Variants in PNPLA7 observed in about 807,000 individuals in gnomAD.
The protein encoded by PNPLA7 is patatin-like phospholipase domain-containing protein 7.
PNPLA7 carries 153 observed loss-of-function variants against 161.7 expected under a neutral mutation model. The observed-to-expected ratio is 0.95, with a 90% confidence interval of 0.83 to 1.08. The LOEUF (loss-of-function observed/expected upper bound fraction) is 1.08, where lower values mean the gene tolerates loss of function less well. Ranked by LOEUF, PNPLA7 falls within the 50% of genes least tolerant of loss-of-function variation. The pLI, the probability that PNPLA7 is intolerant of heterozygous loss-of-function variation, is 0.00. For synonymous variants in PNPLA7, 809 were observed against 782.1 expected, an observed-to-expected ratio of 1.03 and a Z score of -0.57; for missense variants, 1,739 against 1,856.6, an observed-to-expected ratio of 0.94 and a Z score of 1.16.
intron 12 of PNPLA7, among the ~76,000 whole-genome samples, chr9:137,514,944 G>A (rs1315708685): frequency 6.6e-6 from 1 of 152,178 alleles, no homozygotes; most frequent in African/African-American, 2.4e-5. Flanking sequence ...TCACCCGGCT[G>A]TTGAGGTTTT....
intron 12 of PNPLA7, among the ~76,000 whole-genome samples, chr9:137,507,780 A>G (rs1045690155): frequency 6.6e-6 from 1 of 152,218 alleles, no homozygotes; most frequent in East Asian, 1.9e-4. Context: ...GGGGCCAGGC[A>G]TGGTGGTATG....
In PNPLA7 at chr9:137,520,056, A is replaced by T; in HGVS notation, c.958-13T>A. On this transcript the variant is annotated splice_polypyrimidine_tract_variant and intron_variant, in intron 10 of 34. Transcript: ENST00000406427. This position sits in a 1 kb window ranked among gnomAD's most constrained non-coding sequence, Gnocchi z 5.2. ...TGGCCTGGCTCTCCTGGGACACAAGAAGGAAGTTCAGTGCCACCCCAGGAA... is the reference window on the plus strand; with the variant it reads ...TGGCCTGGCTCTCCTGGGACACAAGTAGGAAGTTCAGTGCCACCCCAGGAA... 3 of 1,611,566 alleles carry T rather than the reference A, an allele frequency of 1.9e-6. No individual in the cohort carries two copies. Among genetic ancestry groups the T allele is most frequent in the Non-Finnish European group, 2.5e-6 (3 of 1,179,696 alleles).
At chr9:137,522,983 C>T (rs1385215910) in intron 8 of PNPLA7, 126 bp from the exon 9 acceptor site, 18 of 1,364,342 alleles carry the variant, frequency 1.3e-5, no homozygotes, top group East Asian at 4.7e-5. Context: ...CATTCTCCCT[C>T]CCAGGCTGGG....
intron 29 of PNPLA7, 62 bp downstream of exon 29, chr9:137,463,353 C>T (rs1265774507): frequency 3.8e-5 from 54 of 1,420,308 alleles, no homozygotes; most frequent in Non-Finnish European, 5.0e-5. Context: ...TGGCAGGGGC[C>T]GTGGGGCGGC....
chr9:137,535,750 C>CT (rs1394101703), intron 8 of PNPLA7, among the ~76,000 whole-genome samples: 1 of 121,974 alleles, frequency 8.2e-6, no homozygotes, highest in Non-Finnish European at 1.7e-5. Context: ...AAGACCCCGT[C>CT]TCAAAAAAAA....
chr9:137,480,519 G>A (rs760781174), intron 22 of PNPLA7, 39 bp from the exon 23 acceptor site: 34 of 1,570,208 alleles, frequency 2.2e-5, no homozygotes, highest in Non-Finnish European at 2.9e-5. Context: ...ACTCCGCAGG[G>A]GCCTGGCACT....
chr9:137,536,528 G>A (rs984494454), intron 8 of PNPLA7, among the ~76,000 whole-genome samples: 38 of 152,122 alleles, frequency 2.5e-4, no homozygotes, highest in Non-Finnish European at 8.8e-5. Context: ...AAAATAAGCC[G>A]CTGGTTCAGG....
At chr9:137,472,336 A>G (rs1191720325) in intron 25 of PNPLA7, among the ~76,000 whole-genome samples, 1 of 151,878 alleles carries the variant, frequency 6.6e-6, no homozygotes, top group Non-Finnish European at 1.5e-5. Flanking sequence ...AGGATTACCC[A>G]GCACTTGAGC....
chr9:137,484,166 C>A (rs1832354042), intron 21 of PNPLA7, among the ~76,000 whole-genome samples: 1 of 152,060 alleles, frequency 6.6e-6, no homozygotes, highest in South Asian at 2.1e-4. Flanking sequence ...GAACTCCTGA[C>A]CTCGGCCTCC....
In PNPLA7 at chr9:137,499,156, A is replaced by G. The variant is rs1211654022; in HGVS notation, c.1758-911T>C. Among the ~76,000 whole-genome samples, 2 of 151,354 alleles carry G rather than the reference A, an allele frequency of 1.3e-5. No homozygotes were observed. Among genetic ancestry groups the G allele is most frequent in the East Asian group, 3.9e-4 (2 of 5,144 alleles). On this transcript the variant is annotated intron_variant, in intron 16 of 34. Coordinates refer to ENST00000406427, the MANE Select transcript of PNPLA7 (RefSeq NM_001098537.3). This position sits in a 1 kb window ranked among gnomAD's most constrained non-coding sequence, Gnocchi z 5.5. ...CACACAGACACACGGAGACAGAGACACTCGCAGACACACGGACACACGGAG... is the reference window on the plus strand; with the variant it reads ...CACACAGACACACGGAGACAGAGACGCTCGCAGACACACGGACACACGGAG...
intron 25 of PNPLA7, among the ~76,000 whole-genome samples, chr9:137,473,486 G>T (rs939514414): frequency 2.6e-5 from 4 of 152,114 alleles, no homozygotes; most frequent in African/African-American, 9.7e-5. Flanking sequence ...AATTTTAAAT[G>T]GTTCATCCAA....
chr9:137,477,481 C>G (rs868310416), intron 25 of PNPLA7, among the ~76,000 whole-genome samples: 1 of 151,958 alleles, frequency 6.6e-6, no homozygotes, highest in Non-Finnish European at 1.5e-5. Context: ...GACAGAGTCT[C>G]GCTCTGTCGC....
In PNPLA7 at chr9:137,499,744, G is replaced by A. The variant is rs141548682; in HGVS notation, c.1757+947C>T. On this transcript the variant is annotated intron_variant, in intron 16 of 34. Transcript: ENST00000406427. The surrounding 1 kb of genome is among the most constrained non-coding windows in gnomAD (Gnocchi z 5.5). ...GGGGTCCCCAGGCTGAAGCAGCAAC[G>A]GCGCGGTGCCATTTGCTGGATTACA... is the stretch of plus-strand genomic sequence containing the variant. Among the ~76,000 whole-genome samples the A allele has an allele frequency of 3.9e-3, 595 of 152,342 alleles. 3 individuals are homozygous for A. The highest frequency in any genetic ancestry group is 0.013 in the African/African-American group (558 of 41,566).
chr9:137,514,629 C>T (rs1342915558), intron 12 of PNPLA7, among the ~76,000 whole-genome samples: 2 of 143,716 alleles, frequency 1.4e-5, no homozygotes, highest in Non-Finnish European at 3.0e-5. Context: ...TGTGGCTGGG[C>T]TGCGGGCGGG....
rs745327928 is a variant in PNPLA7 at position 137,497,220 on chromosome 9, G to A, written c.1980C>T (p.Ala660=). The A allele has an allele frequency of 1.3e-5, 20 of 1,587,780 alleles. No homozygotes were observed. Among genetic ancestry groups the A allele is most frequent in the Admixed American group, 1.8e-5 (1 of 56,986 alleles). ...IRKDDGKKRL[A]GEYGRGDLVG... ...CGAGGTCTCCTCGGCCGTACTCCCC[G>A]GCCAGGCGCTTCTTCCCATCATCCT... The change falls in exon 18 of 35, where the codon GCC becomes GCT. Residue 660 remains alanine, a synonymous_variant. Coordinates refer to ENST00000406427, the MANE Select transcript of PNPLA7 (RefSeq NM_001098537.3).
In PNPLA7 at chr9:137,476,733, G is replaced by T. The variant is rs1245848694; in HGVS notation, c.2882+1301C>A. On this transcript the variant is annotated intron_variant, in intron 25 of 34. Transcript: ENST00000406427. The surrounding 1 kb of genome is among the most constrained non-coding windows in gnomAD (Gnocchi z 4.5). ...TAAAAATGCTGCTGATGTGGCCTGGGCTCAACTGCTCCAAGTCCCTGCACT... is the reference window on the plus strand; with the variant it reads ...TAAAAATGCTGCTGATGTGGCCTGGTCTCAACTGCTCCAAGTCCCTGCACT... Among the ~76,000 whole-genome samples, 1 of 152,164 alleles carries T rather than the reference G, an allele frequency of 6.6e-6. No individual in the cohort carries two copies. The highest frequency in any genetic ancestry group is 1.5e-5 in the Non-Finnish European group (1 of 68,026).
chr9:137,502,543 G>C (rs995913462), intron 14 of PNPLA7, among the ~76,000 whole-genome samples: 77 of 146,372 alleles, frequency 5.3e-4, no homozygotes, highest in Non-Finnish European at 9.9e-4. Context: ...CTCAGGCAGA[G>C]GACGGCCGCT....
chr9:137,524,090 G>C lies in PNPLA7; in HGVS notation c.748-1233C>G, dbSNP rs58868020. Among the ~76,000 whole-genome samples the C allele has an allele frequency of 0.02, 3,118 of 152,288 alleles. 105 individuals are homozygous for C. The highest frequency in any genetic ancestry group is 0.071 in the African/African-American group (2,950 of 41,534). On this transcript the variant is annotated intron_variant, in intron 8 of 34. Transcript: ENST00000406427. This position sits in a 1 kb window ranked among gnomAD's most constrained non-coding sequence, Gnocchi z 4.4. Reference sequence around the variant, plus strand: ...ACAATCCCAACCTCCAATGCCCCTGGCAGCCTTTTCGCAACCTCCTTTCTT... The same window carrying C: ...ACAATCCCAACCTCCAATGCCCCTGCCAGCCTTTTCGCAACCTCCTTTCTT...
chr9:137,519,398 G>A (rs1249138553), intron 11 of PNPLA7, among the ~76,000 whole-genome samples: 3 of 152,220 alleles, frequency 2.0e-5, no homozygotes, highest in Non-Finnish European at 4.4e-5. Context: ...ACCTGGCCCA[G>A]GCCAAGCACG....
Sources: allele counts gnomAD v4.1 joint callset (sites outside exome capture counted in the v4.1 genomes callset), GRCh38; gene constraint gnomAD v4.1.1; non-coding constraint Gnocchi (gnomAD v3.1); transcripts MANE v1.5; gene names NCBI Gene and HGNC (gene_info 2026-07-23, HGNC 2026-07-21).